GLI2: variants seen among roughly 807,000 people sequenced by gnomAD.
The protein encoded by GLI2 is transcription activator GLI2.
Under a neutral mutation model 78.9 loss-of-function variants are expected in GLI2, and 22 were observed. The observed-to-expected ratio is 0.28, with a 90% CI of 0.20 to 0.40. GLI2 has a LOEUF of 0.40. Ranked by LOEUF, GLI2 falls within the 10% of genes least tolerant of loss-of-function variation. The pLI is 1.00. For missense variants in GLI2, 2,097 were observed against 2,213.2 expected (o/e 0.95, Z 1.05); for synonymous variants, 974 against 963.7 (o/e 1.01, Z -0.20).
intron 3 of GLI2, among the ~76,000 whole-genome samples, chr2:120,944,980 T>G (rs948310317): frequency 2.0e-5 from 3 of 152,216 alleles, no homozygotes; most frequent in Admixed American, 2.0e-4. Context: ...TTACTTCCAT[T>G]CTTTCTTACT....
Position 120,927,416 on chromosome 2 carries a change from C to T in GLI2, c.204C>T (p.His68=). The change falls in exon 3 of 14, where the codon CAC becomes CAT. Residue 68 remains histidine, a synonymous_variant. Transcript: ENST00000361492. ...FHAPLPIDMR[H]QEGRYHYEPH... ...CGCCCCTACCGATTGACATGCGACACCAGGAAGGAAGGTACCATTACGAGC... is the reference window on the plus strand; with the variant it reads ...CGCCCCTACCGATTGACATGCGACATCAGGAAGGAAGGTACCATTACGAGC... 1 of 1,614,030 alleles carries T rather than the reference C, an allele frequency of 6.2e-7. No homozygotes were observed. The highest frequency in any genetic ancestry group is 8.5e-7 in the Non-Finnish European group (1 of 1,179,878).
chr2:120,864,914 G>A (rs1459554223), intron 2 of GLI2, among the ~76,000 whole-genome samples: 5 of 152,188 alleles, frequency 3.3e-5, no homozygotes, highest in Non-Finnish European at 7.3e-5. Context: ...CCTTGGGAAG[G>A]GGTCTCTCTG....
At position 120,989,510 on chromosome 2, in the gene GLI2, A is replaced by T. The variant is rs751228632; in HGVS notation, c.3545A>T (p.Asp1182Val). 6.2e-7 allele frequency: 1 copy of T among 1,612,084 alleles called. No individual in the cohort carries two copies. The highest frequency in any genetic ancestry group is 8.5e-7 in the Non-Finnish European group (1 of 1,179,666). ...QGLQASPGGL[D>V]STQPHLQPRS... ...CTACAGGCTAGCCCTGGGGGCCTGG[A>T]CAGCACGCAGCCACACCTGCAGCCC... The change falls in exon 14 of 14, where the codon GAC becomes GTC. Residue 1182 changes from aspartate to valine, a missense_variant. By Grantham distance (152) the Asp-to-Val change is radical. Transcript: ENST00000361492.
intron 1 of GLI2, among the ~76,000 whole-genome samples, chr2:120,770,161 C>T (rs1683483182): frequency 6.6e-6 from 1 of 152,208 alleles, no homozygotes; most frequent in Admixed American, 6.5e-5. Flanking sequence ...TCGGTGGCCC[C>T]ATATGAGGCT....
At chr2:120,886,194 GTGTGTGTGTGTGTGTGCGTGTA>G (rs1202439119) in intron 2 of GLI2, among the ~76,000 whole-genome samples, 129 of 39,260 alleles carry the variant, frequency 3.3e-3, no homozygotes, top group African/African-American at 0.014. Context: ...GTGTGTGTGT[GTGTGTGTGTGTGTGTGCGTGTA>G]TATTTTGGTT....
chr2:120,878,488 C>T (rs963950234), intron 2 of GLI2, among the ~76,000 whole-genome samples: 2 of 152,058 alleles, frequency 1.3e-5, no homozygotes, highest in African/African-American at 4.8e-5. Context: ...AGTATGAATC[C>T]ACTGAAATAT....
chr2:120,946,293 T>C (rs1167620122), intron 3 of GLI2, among the ~76,000 whole-genome samples: 1 of 152,148 alleles, frequency 6.6e-6, no homozygotes, highest in Non-Finnish European at 1.5e-5. Flanking sequence ...ACTGGTCAGA[T>C]CAGGCTCAGA....
intron 2 of GLI2, among the ~76,000 whole-genome samples, chr2:120,854,504 A>T (rs976748840): frequency 6.6e-6 from 1 of 152,176 alleles, no homozygotes; most frequent in Non-Finnish European, 1.5e-5. Flanking sequence ...GCAGGCTGTG[A>T]CAATCAGGGG....
chr2:120,945,639 C>T (rs1234241089), intron 3 of GLI2, among the ~76,000 whole-genome samples: 1 of 152,166 alleles, frequency 6.6e-6, no homozygotes, highest in African/African-American at 2.4e-5. Flanking sequence ...CTGGCTCATC[C>T]TCTCTCAGCT....
Position 120,927,460 on chromosome 2 carries a change from T to C in GLI2, c.248T>C (p.Val83Ala), listed in dbSNP as rs999987091. 4 of 1,609,494 alleles carry C rather than the reference T, an allele frequency of 2.5e-6. No individual in the cohort carries two copies. The highest frequency in any genetic ancestry group is 3.4e-6 in the Non-Finnish European group (4 of 1,175,748). The change falls in exon 3 of 14, where the codon GTG becomes GCG. Residue 83 changes from valine (V) to alanine (A), a missense_variant. By Grantham distance (64) the Val-to-Ala change is moderately conservative. Transcript: ENST00000361492. ...TACGAGCCTCATTCTGTCCACGGTG[T>C]GCACGGGTAAGTCCTGCCCTCTGCC... ...YHYEPHSVHG[V>A]HGPPALSGSP...
At chr2:120,881,269 G>A (rs1677100979) in intron 2 of GLI2, among the ~76,000 whole-genome samples, 1 of 152,216 alleles carries the variant, frequency 6.6e-6, no homozygotes, top group Non-Finnish European at 1.5e-5. Flanking sequence ...ACTGAGGCTG[G>A]GCAGTATCTC....
chr2:120,990,258 C>T lies in GLI2; in HGVS notation c.4293C>T (p.Tyr1431=), dbSNP rs374166743. 127 of 1,613,632 alleles carry T rather than the reference C, an allele frequency of 7.9e-5. No individual in the cohort carries two copies. The highest frequency in any genetic ancestry group is 2.7e-4 in the African/African-American group (20 of 74,934). ...CGGACCACAGCATGCTCTACTACTA[C>T]GGCCAGATCCACATGTACGAACAGG... ...GAPDHSMLYY[Y]GQIHMYEQDG... The change falls in exon 14 of 14, where the codon TAC becomes TAT. Residue 1431 remains tyrosine (Y), a synonymous_variant. Coordinates refer to ENST00000361492, the MANE Select transcript of GLI2 (RefSeq NM_001374353.1).
chr2:120,986,702 A>T, intron 13 of GLI2, 88 bp downstream of exon 13: 1 of 1,017,618 alleles, frequency 9.8e-7, no homozygotes, highest in African/African-American at 1.6e-5. Context: ...CACCAGTGCT[A>T]TCTCACCGGA....
chr2:120,973,035 G>A (rs1682266878), intron 8 of GLI2, among the ~76,000 whole-genome samples: 1 of 152,140 alleles, frequency 6.6e-6, no homozygotes, highest in Non-Finnish European at 1.5e-5. Context: ...GGACACCAAG[G>A]ATGCTCAGGG....
chr2:120,812,337 C>T (rs1423489587), intron 2 of GLI2, among the ~76,000 whole-genome samples: 1 of 152,200 alleles, frequency 6.6e-6, no homozygotes, highest in African/African-American at 2.4e-5. Context: ...TGGATGGGCC[C>T]TTGTGCAGGC....
At chr2:120,736,510 C>A (rs1294264989) in intron 1 of GLI2, among the ~76,000 whole-genome samples, 1 of 151,804 alleles carries the variant, frequency 6.6e-6, no homozygotes, top group African/African-American at 2.4e-5. Context: ...TAAGGAGAGT[C>A]CTGGGGCTTG....
chr2:120,767,863 C>T (rs1177122437), intron 1 of GLI2, among the ~76,000 whole-genome samples: 5 of 152,240 alleles, frequency 3.3e-5, no homozygotes, highest in Non-Finnish European at 4.4e-5. Flanking sequence ...CTTCAATTCC[C>T]ATGGACATTG....
At chr2:120,744,806 G>A (rs1383268319) in intron 1 of GLI2, among the ~76,000 whole-genome samples, 3 of 152,206 alleles carry the variant, frequency 2.0e-5, no homozygotes, top group Non-Finnish European at 2.9e-5. Context: ...CAGGTGGGAA[G>A]CTTGTTAAAT....
chr2:120,985,802 C>G (rs765968144), intron 12 of GLI2, among the ~76,000 whole-genome samples: 5 of 152,202 alleles, frequency 3.3e-5, no homozygotes, highest in Non-Finnish European at 7.3e-5. Context: ...TGGCCCTTTA[C>G]ACAAGGGCTG....
Sources: allele counts gnomAD v4.1 joint callset (sites outside exome capture counted in the v4.1 genomes callset), GRCh38; gene constraint gnomAD v4.1.1; transcripts MANE v1.5; gene names NCBI Gene and HGNC (gene_info 2026-07-23, HGNC 2026-07-21).